Variants in FHL1 observed in about 807,000 individuals in gnomAD.
FHL1 encodes the protein four and a half LIM domains protein 1.
A neutral mutation model predicts 20.3 loss-of-function variants in FHL1; 1 was observed. That is an observed-to-expected ratio of 0.05 (90% CI 0.02 to 0.23). The LOEUF (loss-of-function observed/expected upper bound fraction) is 0.23. Among genes scored for constraint, FHL1 ranks in the 10% least tolerant of loss-of-function variants. The pLI is 1.00. For synonymous variants in FHL1, 82 were observed against 88.9 expected (o/e 0.92, Z 0.44); for missense variants, 177 against 234.0 (o/e 0.76, Z 1.59).
chrX:136,199,917 TA>T (rs1434379397), intron 1 of FHL1, among the ~76,000 whole-genome samples: 1 of 111,926 alleles, frequency 8.9e-6, no homozygotes, highest in African/African-American at 3.2e-5. Context: ...CAAGATTTAT[TA>T]AATACAAATC....
chrX:136,165,907 T>C (rs777502036), upstream of FHL1, among the ~76,000 whole-genome samples: 1 of 112,271 alleles, frequency 8.9e-6, no homozygotes, highest in South Asian at 3.7e-4. Flanking sequence ...GGTTTGTCTA[T>C]TTTCACTTAT....
intron 2 of FHL1, among the ~76,000 whole-genome samples, chrX:136,172,735 A>AT (rs1246209736): frequency 8.9e-6 from 1 of 112,280 alleles, no homozygotes; most frequent in Admixed American, 9.4e-5. Context: ...TTGTTCTTTT[A>AT]TTTTTTATTT....
At chrX:136,177,013 T>TACACACAC (rs10527786) in intron 2 of FHL1, among the ~76,000 whole-genome samples, 1,583 of 88,637 alleles carry the variant, frequency 0.018, 41 homozygotes, top group African/African-American at 0.055. Flanking sequence ...CATGTAGAAA[T>TACACACAC]ACACACACAC....
upstream of FHL1, chrX:136,196,648 T>G (rs2073562109): frequency 2.3e-6 from 1 of 443,962 alleles, no homozygotes; most frequent in Non-Finnish European, 3.9e-6. Flanking sequence ...GTAACATAAG[T>G]CTATCTCTTA....
chrX:136,165,555 G>T (rs765811135), upstream of FHL1, among the ~76,000 whole-genome samples: 1 of 112,016 alleles, frequency 8.9e-6, no homozygotes. Context: ...TGATTTCTTG[G>T]GTGGGAGAGA....
chrX:136,187,938 T>C (rs2073348727), intron 2 of FHL1, among the ~76,000 whole-genome samples: 1 of 112,081 alleles, frequency 8.9e-6, no homozygotes. Context: ...CAAGCAATCC[T>C]TCTGCCTTGG....
At position 136,210,761 on chromosome X, in the gene FHL1, A is replaced by G. The variant is rs1010669533; in HGVS notation, c.*736A>G. 1 of 386,600 alleles carries G rather than the reference A, an allele frequency of 2.6e-6. No homozygotes were observed. Among genetic ancestry groups the G allele is most frequent in the African/African-American group, 2.5e-5 (1 of 40,728 alleles). The allele number at this position is 386,600 out of a possible 1,213,427, so 31.9% of individuals were successfully genotyped here. On this transcript the variant is annotated 3_prime_UTR_variant, in exon 6 of 6. Coordinates refer to ENST00000370683, the MANE Select transcript of FHL1 (RefSeq NM_001159699.2). ...TTTCAGAGGAACATCGTCACAACGA[A>G]TACTTCTGGAAGCTTAACAAAACTA...
upstream of FHL1, among the ~76,000 whole-genome samples, chrX:136,195,028 G>A (rs1230404647): frequency 1.8e-5 from 2 of 112,092 alleles, no homozygotes; most frequent in Non-Finnish European, 3.8e-5. Flanking sequence ...GCTGGTCATA[G>A]TTGACTAATT....
At chrX:136,159,679 C>T (rs1273726623) in intron 1 of FHL1, among the ~76,000 whole-genome samples, 1 of 112,349 alleles carries the variant, frequency 8.9e-6, no homozygotes, top group African/African-American at 3.2e-5. Context: ...TCCAGGAGAG[C>T]TGCCCAGTAC....
In FHL1 at chrX:136,173,673, G is replaced by T. The variant is rs185633255; in HGVS notation, c.-27+3693G>T. ...TCCTGTTTGGCTACACTAGGCTGGA[G>T]CCAAATGGCTGCTGTTTCTTTTCTT... On this transcript the variant is annotated intron_variant, in intron 2 of 6. Transcript: ENST00000394153. 4.4e-3 allele frequency among the ~76,000 whole-genome samples: 483 copies of T among 110,313 alleles called. 4 individuals carry two copies. Among genetic ancestry groups the T allele is most frequent in the African/African-American group, 0.015 (445 of 30,367 alleles).
intron 4 of FHL1, 22 bp downstream of exon 4, chrX:136,207,983 G>A: frequency 8.3e-7 from 1 of 1,209,709 alleles, no homozygotes; most frequent in African/African-American, 1.7e-5. Flanking sequence ...AGGGAGTTCT[G>A]CATTGACCGT....
chrX:136,177,889 G>A (rs976494119), intron 2 of FHL1, among the ~76,000 whole-genome samples: 5 of 112,442 alleles, frequency 4.4e-5, no homozygotes, highest in Non-Finnish European at 9.4e-5. Context: ...AACAACAGAT[G>A]CTCACTTGTA....
At chrX:136,200,623 T>C (rs2073683641) in intron 1 of FHL1, among the ~76,000 whole-genome samples, 1 of 112,300 alleles carries the variant, frequency 8.9e-6, no homozygotes, top group Non-Finnish European at 1.9e-5. Flanking sequence ...TACTGAGTGA[T>C]TCCTGTATAC....
intron 2 of FHL1, among the ~76,000 whole-genome samples, chrX:136,170,707 C>T (rs1278648909): frequency 3.6e-5 from 4 of 111,017 alleles, no homozygotes; most frequent in South Asian, 4.0e-4. Flanking sequence ...CATCCAGGCA[C>T]GATACAGTAA....
rs922818933 is a variant in FHL1 at position 136,171,792 on chromosome X, G to T, written c.-27+1812G>T. Among the ~76,000 whole-genome samples, 11 of 112,062 alleles carry T rather than the reference G, an allele frequency of 9.8e-5. No homozygotes were observed. In the East Asian group the frequency reaches 3.1e-3, roughly 31 times the overall value. On this transcript the variant is annotated intron_variant, in intron 2 of 6. Coordinates refer to the FHL1 transcript ENST00000394153. ...CATTGACCAAAACTTGGTATCCTTG[G>T]GTTTTCTTTTAAAGCACTGAGTTTC...
At chrX:136,156,543 A>C (rs1378549629) in intron 1 of FHL1, among the ~76,000 whole-genome samples, 1 of 111,377 alleles carries the variant, frequency 9.0e-6, no homozygotes, top group African/African-American at 3.3e-5. Flanking sequence ...CGGCCTCCCA[A>C]ATTGCTGGGA....
At chrX:136,177,853 A>G (rs1284256261) in intron 2 of FHL1, among the ~76,000 whole-genome samples, 1 of 112,389 alleles carries the variant, frequency 8.9e-6, no homozygotes, top group East Asian at 2.8e-4. Context: ...GAACGCTCCT[A>G]TTAATAGGCA....
chrX:136,196,393 A>G (rs1264917167), upstream of FHL1, among the ~76,000 whole-genome samples: 6 of 111,936 alleles, frequency 5.4e-5, no homozygotes, highest in South Asian at 2.3e-3. Context: ...CCTGATGCTG[A>G]AAAACAAGAG....
At chrX:136,204,111 C>T (rs1029714506) in intron 1 of FHL1, among the ~76,000 whole-genome samples, 1 of 112,610 alleles carries the variant, frequency 8.9e-6, no homozygotes, top group Non-Finnish European at 1.9e-5. Context: ...TGGTTACTAG[C>T]CATGCAGGAA....
Sources: allele counts gnomAD v4.1 joint callset (sites outside exome capture counted in the v4.1 genomes callset), GRCh38; gene constraint gnomAD v4.1.1; transcripts MANE v1.5; gene names NCBI Gene and HGNC (gene_info 2026-07-23, HGNC 2026-07-21).